IQSEC1: variants seen among roughly 807,000 people sequenced by gnomAD.
The protein encoded by IQSEC1 is IQ motif and Sec7 domain ArfGEF 1.
A neutral mutation model predicts 91.0 loss-of-function variants in IQSEC1; 31 were observed. The observed-to-expected ratio is 0.34, with a 90% CI of 0.26 to 0.46. The LOEUF (loss-of-function observed/expected upper bound fraction) is 0.46, where lower values mean the gene tolerates loss of function less well. IQSEC1 is among the 20% of genes least tolerant of loss of function. The pLI is 1.00. For synonymous variants in IQSEC1, 699 were observed against 662.6 expected (o/e 1.05, Z -0.84); for missense variants, 1,388 against 1,575.6 (o/e 0.88, Z 2.02).
intron 2 of IQSEC1, among the ~76,000 whole-genome samples, chr3:13,123,369 A>C (rs1038357235): frequency 2.6e-5 from 4 of 152,356 alleles, no homozygotes; most frequent in Admixed American, 2.6e-4. Context: ...GCCCCACTGA[A>C]GGCTGGTGCT....
At chr3:13,078,429 T>G (rs1705596722), upstream of IQSEC1, among the ~76,000 whole-genome samples, 1 of 152,098 alleles carries the variant, frequency 6.6e-6, no homozygotes. Context: ...GTGGGCTCCC[T>G]CCCGCACCCA....
At chr3:13,252,676 C>T (rs1695214633) in intron 1 of IQSEC1, among the ~76,000 whole-genome samples, 1 of 152,166 alleles carries the variant, frequency 6.6e-6, no homozygotes, top group South Asian at 2.1e-4. Flanking sequence ...ACAAGGGTTC[C>T]AATTTCTCCA....
chr3:13,083,793 T>C (rs1027876238), intron 2 of IQSEC1, among the ~76,000 whole-genome samples: 1 of 152,274 alleles, frequency 6.6e-6, no homozygotes, highest in Non-Finnish European at 1.5e-5. Context: ...GACCTGAGGA[T>C]GAGATCTCGC....
intron 2 of IQSEC1, among the ~76,000 whole-genome samples, chr3:13,146,153 A>ATTT (rs529843720): frequency 2.2e-5 from 3 of 137,688 alleles, no homozygotes; most frequent in African/African-American, 8.0e-5. Flanking sequence ...ACACTCAGCT[A>ATTT]TTTTTTTTTT....
At chr3:13,245,685 T>C (rs1053899922) in intron 1 of IQSEC1, among the ~76,000 whole-genome samples, 2 of 151,034 alleles carry the variant, frequency 1.3e-5, no homozygotes, top group Non-Finnish European at 2.9e-5. Context: ...GAGAATCGCT[T>C]GAACCCAGGA....
intron 1 of IQSEC1, among the ~76,000 whole-genome samples, chr3:13,191,348 G>C (rs1255981376): frequency 6.6e-6 from 1 of 152,150 alleles, no homozygotes; most frequent in Non-Finnish European, 1.5e-5. Context: ...TATCTTCGTC[G>C]TATTCACTTA....
intron 1 of IQSEC1, among the ~76,000 whole-genome samples, chr3:13,229,518 G>A (rs181137425): frequency 2.6e-4 from 39 of 152,306 alleles, no homozygotes; most frequent in Non-Finnish European, 5.4e-4. Context: ...CAGGCTGCCC[G>A]GGACTGACTG....
At chr3:13,047,346 G>C (rs899673942) in intron 1 of IQSEC1, 4 of 279,192 alleles carry the variant, frequency 1.4e-5, no homozygotes, top group African/African-American at 9.2e-5. Context: ...CTGGCCCTTG[G>C]GGGAATTTCA....
chr3:13,217,986 A>G (rs1173424391), intron 1 of IQSEC1, among the ~76,000 whole-genome samples: 1 of 152,200 alleles, frequency 6.6e-6, no homozygotes, highest in East Asian at 1.9e-4. Flanking sequence ...ACCTCTACAC[A>G]GCACCCGAAG....
intron 1 of IQSEC1, among the ~76,000 whole-genome samples, chr3:13,071,427 C>T (rs1480903664): frequency 1.3e-5 from 2 of 152,064 alleles, no homozygotes; most frequent in Non-Finnish European, 2.9e-5. Context: ...CTCCCCTCCC[C>T]GATGTAACAG....
intron 1 of IQSEC1, among the ~76,000 whole-genome samples, chr3:13,239,013 T>C (rs996389026): frequency 6.6e-6 from 1 of 152,188 alleles, no homozygotes. Flanking sequence ...CCTTTCCTCA[T>C]TCCTGTCTCC....
At chr3:13,115,575 A>G (rs1047090484) in intron 2 of IQSEC1, among the ~76,000 whole-genome samples, 1 of 152,210 alleles carries the variant, frequency 6.6e-6, no homozygotes, top group African/African-American at 2.4e-5. Flanking sequence ...CTAGTAGAGC[A>G]GGAACAAGAA....
intron 2 of IQSEC1, among the ~76,000 whole-genome samples, chr3:13,092,437 C>T (rs1359202161): frequency 6.6e-6 from 1 of 152,070 alleles, no homozygotes; most frequent in Non-Finnish European, 1.5e-5. Flanking sequence ...TGGCTCCTTC[C>T]CAGGCCTGCC....
intron 2 of IQSEC1, among the ~76,000 whole-genome samples, chr3:13,080,665 A>G (rs1705634093): frequency 1.3e-5 from 2 of 152,226 alleles, no homozygotes; most frequent in South Asian, 4.1e-4. Flanking sequence ...AGGCATCCTT[A>G]CCCACAGCTG....
intron 1 of IQSEC1, chr3:13,022,597 G>A (rs1703451936): frequency 3.1e-6 from 1 of 327,620 alleles, no homozygotes; most frequent in South Asian, 1.2e-4. Flanking sequence ...AGAGAGGGAG[G>A]CGGGCGGGGA....
intron 1 of IQSEC1, among the ~76,000 whole-genome samples, chr3:13,062,634 G>A (rs360758): frequency 0.49 from 75,084 of 151,934 alleles, 18,956 homozygotes; most frequent in East Asian, 0.68. Flanking sequence ...GCCCAGAGAT[G>A]GCCAGGGGAC....
At chr3:13,065,375 T>C (rs1054490303) in intron 1 of IQSEC1, among the ~76,000 whole-genome samples, 15 of 152,330 alleles carry the variant, frequency 9.8e-5, no homozygotes, top group African/African-American at 3.4e-4. Context: ...GGGAACCAAA[T>C]AGACAATATG....
At chr3:13,242,401 C>T (rs1274556186) in intron 1 of IQSEC1, among the ~76,000 whole-genome samples, 2 of 152,218 alleles carry the variant, frequency 1.3e-5, no homozygotes, top group Non-Finnish European at 1.5e-5. Context: ...CCTCACAGTA[C>T]CCCCAAGAGC....
chr3:13,172,817 G>A (rs1266108354), intron 1 of IQSEC1, among the ~76,000 whole-genome samples: 2 of 152,140 alleles, frequency 1.3e-5, no homozygotes, highest in South Asian at 2.1e-4. Flanking sequence ...GAGCTCTGCC[G>A]CCTCCCAGCC....
Sources: gnomAD v4.1 joint callset for allele counts (sites outside exome capture counted in the v4.1 genomes callset) on GRCh38, gnomAD v4.1.1 for gene constraint, MANE v1.5 for transcripts, NCBI Gene and HGNC (gene_info 2026-07-23, HGNC 2026-07-21) for gene names.